PTPRG: variants seen among roughly 807,000 people sequenced by gnomAD.
PTPRG encodes the protein receptor-type tyrosine-protein phosphatase gamma.
PTPRG carries 102 observed loss-of-function variants against 165.3 expected under a neutral mutation model. That is an observed-to-expected ratio of 0.62 (90% confidence interval 0.53 to 0.73). The LOEUF (loss-of-function observed/expected upper bound fraction) is 0.73, where lower values mean the gene tolerates loss of function less well. PTPRG is among the 30% of genes least tolerant of loss of function. The pLI is 0.00. For missense variants in PTPRG, 1,866 were observed against 1,861.4 expected, an observed-to-expected ratio of 1.00 and a Z score of -0.05; for synonymous variants, 675 against 669.5, an observed-to-expected ratio of 1.01 and a Z score of -0.13.
intron 2 of PTPRG, among the ~76,000 whole-genome samples, chr3:61,759,943 C>T (rs577369346): frequency 1.3e-5 from 2 of 152,034 alleles, no homozygotes; most frequent in African/African-American, 4.8e-5. Context: ...AATTTGATCT[C>T]GTGGATTTCA....
At chr3:61,581,943 CTTATT>C (rs1424529091) in intron 1 of PTPRG, among the ~76,000 whole-genome samples, 2 of 151,668 alleles carry the variant, frequency 1.3e-5, no homozygotes, top group South Asian at 2.1e-4. Context: ...GTACTGTACT[CTTATT>C]TTATTTTGTT....
intron 2 of PTPRG, among the ~76,000 whole-genome samples, chr3:61,858,324 A>G (rs189343075): frequency 1.2e-4 from 18 of 152,334 alleles, no homozygotes; most frequent in South Asian, 2.1e-4. Context: ...ATGTATTTCA[A>G]TCGTTTTTTA....
intron 2 of PTPRG, among the ~76,000 whole-genome samples, chr3:61,883,007 C>T (rs2037931326): frequency 6.6e-6 from 1 of 152,152 alleles, no homozygotes; most frequent in Non-Finnish European, 1.5e-5. Flanking sequence ...CACTTTGCAA[C>T]CTTCAACCCC....
In PTPRG at chr3:62,233,497, T is replaced by C. The variant is rs1332107331; in HGVS notation, c.2375+2186T>C. Among the ~76,000 whole-genome samples the C allele has an allele frequency of 6.6e-6, 1 of 152,190 alleles. No homozygotes were observed. The highest frequency in any genetic ancestry group is 2.1e-4 in the South Asian group (1 of 4,830). On this transcript the variant is annotated intron_variant, in intron 14 of 29. Coordinates refer to ENST00000474889, the MANE Select transcript of PTPRG (RefSeq NM_002841.4). This position sits in a 1 kb window ranked among gnomAD's most constrained non-coding sequence, Gnocchi z 4.7. ...CTGCAGGAGGCTGGAATGCAAGCCC[T>C]TCAACCAGGCTCTCTCTCACCTTTG...
rs1018439302 is a variant in PTPRG at position 62,245,852 on chromosome 3, C to T, written c.2467+1954C>T. ...TGTCCCTGACACCGAACTACATCCACTAGGTGTGCCCTACCTTGAATCACT... is the reference window on the plus strand; with the variant it reads ...TGTCCCTGACACCGAACTACATCCATTAGGTGTGCCCTACCTTGAATCACT... On this transcript the variant is annotated intron_variant, in intron 15 of 29. Transcript: ENST00000474889. This position sits in a 1 kb window ranked among gnomAD's most constrained non-coding sequence, Gnocchi z 4.2. 2.0e-5 allele frequency among the ~76,000 whole-genome samples: 3 copies of T among 152,250 alleles called. No individual in the cohort carries two copies. Among genetic ancestry groups the T allele is most frequent in the Admixed American group, 1.3e-4 (2 of 15,286 alleles).
chr3:62,154,523 C>A, intron 6 of PTPRG, among the ~76,000 whole-genome samples: 1 of 152,242 alleles, frequency 6.6e-6, no homozygotes. Flanking sequence ...CATAAGAGTC[C>A]GACCCTGCCC....
intron 1 of PTPRG, 143 bp downstream of exon 1, chr3:61,562,515 A>C: frequency 1.8e-6 from 1 of 569,710 alleles, no homozygotes; most frequent in Admixed American, 2.7e-5. Flanking sequence ...ATAGGAGAAA[A>C]GGATTGCTCC....
chr3:62,159,758 C>G, intron 7 of PTPRG, among the ~76,000 whole-genome samples: 1 of 152,196 alleles, frequency 6.6e-6, no homozygotes, highest in East Asian at 1.9e-4. Context: ...TGCTACAAAC[C>G]GTCTTAAGAT....
intron 1 of PTPRG, among the ~76,000 whole-genome samples, chr3:61,694,747 A>G (rs2106675019): frequency 6.6e-6 from 1 of 152,330 alleles, no homozygotes; most frequent in Non-Finnish European, 1.5e-5. Context: ...CTCTGCATGT[A>G]TTGATTTAGA....
At chr3:62,105,428 T>C (rs541472272) in intron 5 of PTPRG, among the ~76,000 whole-genome samples, 16 of 152,334 alleles carry the variant, frequency 1.1e-4, no homozygotes, top group Non-Finnish European at 2.1e-4. Flanking sequence ...AATGAATTTC[T>C]AATGTAGACA....
At chr3:62,125,150 G>A (rs566313559) in intron 5 of PTPRG, among the ~76,000 whole-genome samples, 68 of 152,216 alleles carry the variant, frequency 4.5e-4, no homozygotes, top group Middle Eastern at 3.4e-3. Flanking sequence ...GGTCATTTAC[G>A]TCATTTTAAC....
intron 2 of PTPRG, among the ~76,000 whole-genome samples, chr3:61,840,715 A>G (rs189027255): frequency 1.4e-3 from 216 of 152,068 alleles, no homozygotes; most frequent in African/African-American, 4.7e-3. Context: ...TGTGGAGACA[A>G]ACAATGCACA....
At chr3:62,184,348 G>C (rs537056655) in intron 8 of PTPRG, among the ~76,000 whole-genome samples, 104 of 152,290 alleles carry the variant, frequency 6.8e-4, no homozygotes, top group African/African-American at 2.3e-3. Flanking sequence ...GGGCAGGGAT[G>C]GGGGAGGCAA....
chr3:62,140,851 CAAAAAAAAAAA>C (rs58630476), intron 6 of PTPRG, among the ~76,000 whole-genome samples: 3 of 71,194 alleles, frequency 4.2e-5, no homozygotes, highest in Non-Finnish European at 5.6e-5. Flanking sequence ...GACTCGGTCT[CAAAAAAAAAAA>C]AAAAAAAAAA....
intron 4 of PTPRG, among the ~76,000 whole-genome samples, chr3:62,045,444 T>G (rs1700258527): frequency 6.6e-6 from 1 of 152,222 alleles, no homozygotes; most frequent in Non-Finnish European, 1.5e-5. Context: ...AATGCAGTTT[T>G]CTCCTCGCTG....
intron 5 of PTPRG, among the ~76,000 whole-genome samples, chr3:62,128,150 C>T (rs779582011): frequency 1.3e-5 from 2 of 152,104 alleles, no homozygotes; most frequent in African/African-American, 2.4e-5. Context: ...TTGAAGATGA[C>T]TAATGCCACG....
intron 1 of PTPRG, among the ~76,000 whole-genome samples, chr3:61,746,385 A>G (rs953352746): frequency 3.3e-5 from 5 of 151,524 alleles, no homozygotes; most frequent in African/African-American, 1.2e-4. Context: ...TTGTTTTTGT[A>G]TTTTTAGTAG....
intron 5 of PTPRG, among the ~76,000 whole-genome samples, chr3:62,119,651 T>A (rs1351155989): frequency 6.6e-6 from 1 of 151,900 alleles, no homozygotes; most frequent in African/African-American, 2.4e-5. Context: ...GACAGAGTCT[T>A]GCTTTGTCAC....
chr3:61,685,599 A>G (rs142507226), intron 1 of PTPRG, among the ~76,000 whole-genome samples: 291 of 152,304 alleles, frequency 1.9e-3, no homozygotes, highest in African/African-American at 6.5e-3. Flanking sequence ...CTTTGCCTTG[A>G]CACAAAAGCT....
Sources: gnomAD v4.1 joint callset for allele counts (sites outside exome capture counted in the v4.1 genomes callset) on GRCh38, gnomAD v4.1.1 for gene constraint, Gnocchi (gnomAD v3.1) non-coding constraint, MANE v1.5 for transcripts, NCBI Gene and HGNC (gene_info 2026-07-23, HGNC 2026-07-21) for gene names.